AFF2: variants seen among roughly 807,000 people sequenced by gnomAD.
AFF2 encodes the protein AF4/FMR2 family member 2.
Under a neutral mutation model 76.9 loss-of-function variants are expected in AFF2, and 14 were observed. The ratio of observed to expected loss-of-function variants is 0.18; its 90% CI spans 0.12 to 0.28. The LOEUF is 0.28. Ranked by LOEUF, AFF2 falls within the 10% of genes least tolerant of loss-of-function variation. The pLI is 1.00. For missense variants in AFF2, 868 were observed against 1,001.1 expected (o/e 0.87, Z 1.79); for synonymous variants, 398 against 366.7 (o/e 1.09, Z -0.98).
chrX:148,984,718 A>G (rs1370225469), intron 19 of AFF2, among the ~76,000 whole-genome samples: 1 of 111,807 alleles, frequency 8.9e-6, no homozygotes, highest in Non-Finnish European at 1.9e-5. Context: ...CCCCAATAAC[A>G]CTTCAGTGTA....
At chrX:148,898,775 A>T (rs2124190868) in intron 8 of AFF2, among the ~76,000 whole-genome samples, 1 of 111,714 alleles carries the variant, frequency 9.0e-6, no homozygotes, top group Admixed American at 9.5e-5. Context: ...GTCATTCTTG[A>T]TTCATTTATC....
chrX:148,943,144 T>C (rs1557285780), intron 9 of AFF2, among the ~76,000 whole-genome samples: 1 of 112,175 alleles, frequency 8.9e-6, no homozygotes, highest in Non-Finnish European at 1.9e-5. Flanking sequence ...GTTGCTGCCT[T>C]GTGAGGGTTA....
chrX:148,761,746 G>T (rs2069446249), intron 3 of AFF2, among the ~76,000 whole-genome samples: 1 of 110,442 alleles, frequency 9.1e-6, no homozygotes, highest in African/African-American at 3.3e-5. Context: ...CTGCCCAAAT[G>T]CCTAGCATAG....
At chrX:148,594,118 G>C (rs1319555988) in intron 1 of AFF2, among the ~76,000 whole-genome samples, 3 of 110,630 alleles carry the variant, frequency 2.7e-5, no homozygotes, top group African/African-American at 9.9e-5. Context: ...TGAAACATCA[G>C]AGTCAGTTGA....
At chrX:148,731,706 T>C (rs782594415) in intron 3 of AFF2, among the ~76,000 whole-genome samples, 1 of 101,145 alleles carries the variant, frequency 9.9e-6, no homozygotes, top group East Asian at 3.0e-4. Context: ...GAATCTACAA[T>C]GAACTCAAAC....
intron 13 of AFF2, among the ~76,000 whole-genome samples, chrX:148,966,192 C>G (rs2072169720): frequency 8.9e-6 from 1 of 111,758 alleles, no homozygotes; most frequent in Admixed American, 9.5e-5. Flanking sequence ...AGCTAGAAAC[C>G]AATCAAGCGC....
chrX:148,828,809 T>C (rs2070419039), intron 4 of AFF2, among the ~76,000 whole-genome samples: 1 of 112,397 alleles, frequency 8.9e-6, no homozygotes, highest in Non-Finnish European at 1.9e-5. Context: ...GTTCCTGTTG[T>C]ATTCAGTGGG....
At chrX:148,716,018 T>C (rs1557263340) in intron 3 of AFF2, among the ~76,000 whole-genome samples, 1 of 111,696 alleles carries the variant, frequency 9.0e-6, no homozygotes, top group African/African-American at 3.3e-5. Flanking sequence ...TCTCTCTGTG[T>C]GTGTGTGTAT....
chrX:148,831,762 T>G (rs1213201189), intron 4 of AFF2, among the ~76,000 whole-genome samples: 1 of 112,407 alleles, frequency 8.9e-6, no homozygotes, highest in Non-Finnish European at 1.9e-5. Context: ...CACTTGCGCC[T>G]TATTCCCTTG....
chrX:148,511,446 A>G (rs2052481488), intron 1 of AFF2, among the ~76,000 whole-genome samples: 1 of 112,151 alleles, frequency 8.9e-6, no homozygotes, highest in South Asian at 3.7e-4. Context: ...GAATTTTCCT[A>G]ACATATATTT....
chrX:148,628,222 A>G, intron 1 of AFF2, among the ~76,000 whole-genome samples: 1 of 111,308 alleles, frequency 9.0e-6, no homozygotes, highest in Middle Eastern at 4.7e-3. Flanking sequence ...ATGCCACTGA[A>G]TTGGACACTT....
intron 3 of AFF2, among the ~76,000 whole-genome samples, chrX:148,704,807 G>T (rs1481052018): frequency 3.7e-5 from 4 of 108,745 alleles, no homozygotes; most frequent in Non-Finnish European, 7.6e-5. Flanking sequence ...GATTACAGGT[G>T]TGAGCCACCA....
In AFF2 at chrX:148,800,736, T is replaced by C. The variant is rs542855638; in HGVS notation, c.1042-9140T>C. ...TTTTTTTTTCCCATGAGGAAGTCCT[T>C]GTATCTTAGACACTGTAAATGATTT... is the stretch of plus-strand genomic sequence containing the variant. On this transcript the variant is annotated intron_variant, in intron 3 of 20. Coordinates refer to ENST00000370460, the MANE Select transcript of AFF2 (RefSeq NM_002025.4). 6.9e-4 allele frequency among the ~76,000 whole-genome samples: 77 copies of C among 111,943 alleles called. No homozygotes were observed. In the South Asian group the frequency reaches 0.021, roughly 31 times the overall value.
intron 15 of AFF2, among the ~76,000 whole-genome samples, chrX:148,973,205 T>C (rs928782067): frequency 8.9e-6 from 1 of 111,787 alleles, no homozygotes; most frequent in Non-Finnish European, 1.9e-5. Context: ...TATCAGGGTT[T>C]CTTAGCCTGG....
At chrX:148,810,009 G>A in intron 4 of AFF2, 89 bp downstream of exon 4, 1 of 903,945 alleles carries the variant, frequency 1.1e-6, no homozygotes, top group Non-Finnish European at 1.6e-6. Flanking sequence ...TCTGTTTCAA[G>A]GAGTTTCATG....
At chrX:148,810,046 A>G in intron 4 of AFF2, 126 bp downstream of exon 4, 1 of 628,507 alleles carries the variant, frequency 1.6e-6, no homozygotes, top group East Asian at 3.4e-5. Context: ...TTCTACTTCA[A>G]GACCCTTCTG....
At chrX:148,519,194 G>T (rs920091878) in intron 1 of AFF2, among the ~76,000 whole-genome samples, 1 of 111,448 alleles carries the variant, frequency 9.0e-6, no homozygotes, top group African/African-American at 3.3e-5. Flanking sequence ...GTAGTGCAGG[G>T]ACCCTTCTCC....
chrX:148,989,590 G>A (rs782820347), intron 20 of AFF2, among the ~76,000 whole-genome samples: 56 of 112,527 alleles, frequency 5.0e-4, no homozygotes, highest in African/African-American at 1.7e-3. Context: ...TGTCATTTCT[G>A]ATCTACTTAG....
chrX:148,705,161 A>G (rs191846010), intron 3 of AFF2, among the ~76,000 whole-genome samples: 4 of 112,177 alleles, frequency 3.6e-5, no homozygotes, highest in Admixed American at 9.5e-5. Flanking sequence ...TTCTTGTATA[A>G]TGTGTATTCC....
Sources: gnomAD v4.1 joint callset for allele counts (sites outside exome capture counted in the v4.1 genomes callset) on GRCh38, gnomAD v4.1.1 for gene constraint, MANE v1.5 for transcripts, NCBI Gene and HGNC (gene_info 2026-07-23, HGNC 2026-07-21) for gene names.